CGRRF1: variants seen among roughly 807,000 people sequenced by gnomAD.
The protein encoded by CGRRF1 is cell growth regulator with RING finger domain protein 1.
Under a neutral mutation model 37.2 loss-of-function variants are expected in CGRRF1, and 32 were observed. That is an observed-to-expected ratio of 0.86 (90% CI 0.65 to 1.16). The LOEUF (loss-of-function observed/expected upper bound fraction) is 1.16, where lower values mean the gene tolerates loss of function less well. Among genes scored for constraint, CGRRF1 ranks in the 50% most tolerant of loss-of-function variants. CGRRF1 has a pLI of 0.00. For synonymous variants in CGRRF1, 141 were observed against 140.3 expected, an observed-to-expected ratio of 1.00 and a Z score of -0.04; for missense variants, 391 against 382.6, an observed-to-expected ratio of 1.02 and a Z score of -0.18.
At chr14:54,530,858 G>T (rs776714331) in intron 3 of CGRRF1, 45 bp from the exon 4 acceptor site, 1 of 1,432,008 alleles carries the variant, frequency 7.0e-7, no homozygotes, top group Admixed American at 1.8e-5. Context: ...GTGTATTTTT[G>T]TTCTTATGGT....
At chr14:54,523,734 G>A (rs2032361218) in intron 2 of CGRRF1, among the ~76,000 whole-genome samples, 1 of 152,096 alleles carries the variant, frequency 6.6e-6, no homozygotes, top group Non-Finnish European at 1.5e-5. Context: ...GAGGAGTACA[G>A]AAAGAATAGC....
At chr14:54,536,130 AT>A (rs1208979243) in intron 4 of CGRRF1, 2 of 151,274 alleles carry the variant, frequency 1.3e-5, no homozygotes, top group African/African-American at 4.9e-5. Context: ...CCTGTTTTTT[AT>A]TTTCTCTTTT....
Position 54,537,811 on chromosome 14 carries a change from T to C in CGRRF1, c.660T>C (p.Gly220=). Residue 220 remains glycine, a synonymous_variant, in exon 5 of 6, where the codon GGT becomes GGC. Coordinates refer to ENST00000216420, the MANE Select transcript of CGRRF1 (RefSeq NM_006568.3). ...ILYQYLLLAQ[G]QFHDLKQLFM... ...ATCAATATTTACTCTTGGCTCAAGG[T>C]CAATTTCATGATCTTAAGGTAAGCC... The C allele has an allele frequency of 4.4e-6, 7 of 1,603,320 alleles. No individual in the cohort carries two copies. Among genetic ancestry groups the C allele is most frequent in the Non-Finnish European group, 5.9e-6 (7 of 1,177,398 alleles).
intron 1 of CGRRF1, among the ~76,000 whole-genome samples, chr14:54,519,349 C>T (rs1284991104): frequency 2.0e-5 from 3 of 151,880 alleles, no homozygotes; most frequent in Non-Finnish European, 1.5e-5. Context: ...GCGATCCTTC[C>T]ACCTCAGCCT....
At chr14:54,519,269 T>G (rs1394918484) in intron 1 of CGRRF1, among the ~76,000 whole-genome samples, 1 of 148,302 alleles carries the variant, frequency 6.7e-6, no homozygotes, top group Non-Finnish European at 1.5e-5. Flanking sequence ...ACAGAATCTC[T>G]CTGTGTTGCC....
intron 1 of CGRRF1, among the ~76,000 whole-genome samples, chr14:54,514,636 C>G (rs530576525): frequency 6.6e-6 from 1 of 152,116 alleles, no homozygotes; most frequent in South Asian, 2.1e-4. Flanking sequence ...CTGTTGTTCC[C>G]TTCTTTGGGC....
rs939332976 is a variant in CGRRF1, at chr14:54,538,644, G to C, written c.*261G>C. ...TAAGAGTTTGGCCTTTTATTAGCTA[G>C]ATTTCCTCTCATGTTAATTAGAAAA... On this transcript the variant is annotated 3_prime_UTR_variant, in exon 6 of 6. Transcript: ENST00000216420. The C allele has an allele frequency of 4.0e-5, 11 of 277,810 alleles. No individual in the cohort carries two copies. Among genetic ancestry groups the C allele is most frequent in the Non-Finnish European group, 5.4e-5 (8 of 149,278 alleles). 17.2% of individuals were successfully genotyped at this position (277,810 alleles called of 1,614,324 possible). A position where few individuals can be genotyped will look rare whatever the true frequency, so the allele number is the denominator to read the frequency against.
At chr14:54,533,227 G>A (rs540532628) in intron 4 of CGRRF1, among the ~76,000 whole-genome samples, 80 of 152,024 alleles carry the variant, frequency 5.3e-4, no homozygotes, top group African/African-American at 1.8e-3. Context: ...CAGTTCAGTG[G>A]CCTTTTAGGC....
intron 1 of CGRRF1, among the ~76,000 whole-genome samples, chr14:54,515,500 G>C (rs2032200833): frequency 6.6e-6 from 1 of 152,156 alleles, no homozygotes; most frequent in Non-Finnish European, 1.5e-5. Flanking sequence ...AGTTATTGAA[G>C]TTGTGGGGAG....
intron 1 of CGRRF1, among the ~76,000 whole-genome samples, chr14:54,517,183 C>G (rs2032231243): frequency 6.6e-6 from 1 of 152,200 alleles, no homozygotes; most frequent in Admixed American, 6.5e-5. Flanking sequence ...TACTGTTTTC[C>G]TGCTCTTTGC....
At chr14:54,525,659 T>A (rs2032399413) in intron 2 of CGRRF1, among the ~76,000 whole-genome samples, 1 of 152,256 alleles carries the variant, frequency 6.6e-6, no homozygotes, top group Admixed American at 6.5e-5. Context: ...ATTAAAATAA[T>A]ATTGTAACAA....
chr14:54,538,352 A>G lies in CGRRF1; in HGVS notation c.968A>G (p.Glu323Gly). The change falls in exon 6 of 6, where the codon GAG (glutamate) becomes GGG (glycine). Residue 323 changes from glutamate (E) to glycine (G), a missense_variant. Physicochemically the swap from Glu to Gly is moderately conservative, Grantham distance 98. Transcript: ENST00000216420. ...QESFALCSQK[E>G]QDKDKPKTL Reference sequence around the variant, plus strand: ...TCTTTTGCACTTTGCAGTCAAAAAGAGCAAGATAAAGACAAACCGAAGACT... The same window carrying G: ...TCTTTTGCACTTTGCAGTCAAAAAGGGCAAGATAAAGACAAACCGAAGACT... 2 of 1,612,324 alleles carry G rather than the reference A, an allele frequency of 1.2e-6. No homozygotes were observed. The highest frequency in any genetic ancestry group is 1.7e-6 in the Non-Finnish European group (2 of 1,178,426).
intron 4 of CGRRF1, among the ~76,000 whole-genome samples, chr14:54,535,393 A>ACACC (rs1252336754): frequency 2.1e-4 from 31 of 150,954 alleles, no homozygotes; most frequent in African/African-American, 7.5e-4. Context: ...ACACACACAC[A>ACACC]CTTTTTGTAA....
chr14:54,528,332 C>T (rs1401897991), intron 2 of CGRRF1, among the ~76,000 whole-genome samples: 1 of 149,466 alleles, frequency 6.7e-6, no homozygotes, highest in Non-Finnish European at 1.5e-5. Context: ...CTTCTTAGTA[C>T]TTTATTGTAG....
At chr14:54,528,921 T>G (rs1479456154) in intron 2 of CGRRF1, among the ~76,000 whole-genome samples, 2 of 152,210 alleles carry the variant, frequency 1.3e-5, no homozygotes, top group Non-Finnish European at 1.5e-5. Context: ...CAGTTTTTGG[T>G]ATCCTGTGGA....
At chr14:54,518,788 G>T (rs981590211) in intron 1 of CGRRF1, among the ~76,000 whole-genome samples, 3 of 151,912 alleles carry the variant, frequency 2.0e-5, no homozygotes, top group Non-Finnish European at 2.9e-5. Context: ...TTTTTAATGG[G>T]GTTGTTTTTT....
rs1325622726 is a variant in CGRRF1, at chr14:54,522,500, C to T, written c.151C>T (p.Gln51Ter). ...AATTCTGAGAAATTCAGAAGAGACC[C>T]AGTTCAGCACAAGAGTTTTCAAAAA... Reference protein sequence around the residue: ...PVILRNSEETQFSTRVFKKQM... With the variant: ...PVILRNSEET The change falls in exon 2 of 6, where the codon CAG (glutamine) becomes TAG (stop). Residue 51 changes from glutamine to a stop codon, truncating the protein, a stop_gained. Coordinates refer to ENST00000216420, the MANE Select transcript of CGRRF1 (RefSeq NM_006568.3). LOFTEE classifies it high-confidence loss of function. 11 of 1,604,352 alleles carry T rather than the reference C, an allele frequency of 6.9e-6. No homozygotes were observed. The highest frequency in any genetic ancestry group is 4.0e-5 in the African/African-American group (3 of 74,342).
At chr14:54,517,012 A>C (rs2032229247) in intron 1 of CGRRF1, among the ~76,000 whole-genome samples, 1 of 152,138 alleles carries the variant, frequency 6.6e-6, no homozygotes, top group Non-Finnish European at 1.5e-5. Context: ...TGGGCCTTTT[A>C]AATATCTTCC....
chr14:54,511,406 C>T (rs889614156), intron 1 of CGRRF1, among the ~76,000 whole-genome samples: 2 of 152,176 alleles, frequency 1.3e-5, no homozygotes, highest in African/African-American at 2.4e-5. Context: ...ATGTTCATTA[C>T]ACAAAAGTTT....
Sources: gnomAD v4.1 joint callset for allele counts (sites outside exome capture counted in the v4.1 genomes callset) on GRCh38, gnomAD v4.1.1 for gene constraint, MANE v1.5 for transcripts, NCBI Gene and HGNC (gene_info 2026-07-23, HGNC 2026-07-21) for gene names.